The following SKAP2 variants were observed in gnomAD, a reference collection of about 807,000 sequenced individuals.
SKAP2 encodes src kinase associated phosphoprotein 2.
A neutral mutation model predicts 54.9 loss-of-function variants in SKAP2; 28 were observed. The observed-to-expected ratio is 0.51, with a 90% CI of 0.38 to 0.70. The LOEUF is 0.70. SKAP2 is among the 30% of genes least tolerant of loss of function. The probability of loss-of-function intolerance (pLI) is 0.00; values close to 1 mark genes in which losing one functional copy is unlikely to be tolerated. For synonymous variants in SKAP2, 137 were observed against 134.3 expected, an observed-to-expected ratio of 1.02 and a Z score of -0.14; for missense variants, 356 against 424.1, an observed-to-expected ratio of 0.84 and a Z score of 1.41.
At chr7:26,656,547 G>A in the SKAP2 span, among the ~76,000 whole-genome samples, 1 of 152,154 alleles carries the variant, frequency 6.6e-6, no homozygotes, top group Admixed American at 6.6e-5. Flanking sequence ...TTGAATCTCC[G>A]TTATACAGAT....
chr7:26,716,290 A>G, intron 9 of SKAP2, among the ~76,000 whole-genome samples: 1 of 152,140 alleles, frequency 6.6e-6, no homozygotes, highest in East Asian at 1.9e-4. Context: ...TTTTCGTGTT[A>G]TAGATATTAG....
chr7:26,683,993 T>C (rs987714659), intron 11 of SKAP2, among the ~76,000 whole-genome samples: 2 of 152,164 alleles, frequency 1.3e-5, no homozygotes, highest in African/African-American at 4.8e-5. Flanking sequence ...AATCCCCATA[T>C]TACGATAGGG....
In SKAP2 at chr7:26,740,041, G is replaced by C. The variant is rs547636789; in HGVS notation, c.308-77C>G. 1.8e-5 allele frequency: 15 copies of C among 829,926 alleles called. No individual in the cohort carries two copies. The Middle Eastern group carries it at 1.6e-3, about 91-fold the overall frequency. 51.4% of individuals were successfully genotyped at this position (829,926 alleles called of 1,614,324 possible). On this transcript the variant is annotated intron_variant, in intron 4 of 12. Transcript: ENST00000345317. ...AATAAACAAGTGCCAGATCTCATTA[G>C]ATTCAGTGTGCTTTTAATTACTGAA...
intron 4 of SKAP2, among the ~76,000 whole-genome samples, chr7:26,796,685 T>C (rs1323418411): frequency 6.6e-6 from 1 of 152,242 alleles, no homozygotes; most frequent in Admixed American, 6.5e-5. Flanking sequence ...ACTGTAAATG[T>C]ATTTTCTCAT....
chr7:26,750,907 T>C (rs992709863), intron 4 of SKAP2, among the ~76,000 whole-genome samples: 1 of 152,176 alleles, frequency 6.6e-6, no homozygotes, highest in Non-Finnish European at 1.5e-5. Flanking sequence ...CATAGGACAA[T>C]TCTTTCATTG....
intron 6 of SKAP2, among the ~76,000 whole-genome samples, chr7:26,728,531 T>C (rs535118154): frequency 2.0e-5 from 3 of 152,218 alleles, no homozygotes; most frequent in Admixed American, 6.5e-5. Flanking sequence ...AAATGATAAA[T>C]GGTTAAGCAT....
chr7:26,757,445 C>T (rs1157376411), intron 4 of SKAP2, among the ~76,000 whole-genome samples: 3 of 152,164 alleles, frequency 2.0e-5, no homozygotes, highest in Non-Finnish European at 4.4e-5. Context: ...TTCCCCATTT[C>T]TTGTTTTTGT....
intron 4 of SKAP2, among the ~76,000 whole-genome samples, chr7:26,842,408 C>T (rs1354525010): frequency 6.6e-6 from 1 of 151,392 alleles, no homozygotes; most frequent in Non-Finnish European, 1.5e-5. Context: ...TGTAAATGCA[C>T]TATAATTTAA....
intron 9 of SKAP2, 33 bp from the exon 10 acceptor site, chr7:26,690,395 G>T: frequency 3.5e-6 from 5 of 1,431,588 alleles, no homozygotes; most frequent in Non-Finnish European, 4.9e-6. Flanking sequence ...GCACATTGAA[G>T]GGTTTTCTCA....
At chr7:26,729,787 GGAA>G (rs1787784767) in intron 6 of SKAP2, among the ~76,000 whole-genome samples, 1 of 152,014 alleles carries the variant, frequency 6.6e-6, no homozygotes, top group Non-Finnish European at 1.5e-5. Flanking sequence ...TGGGTTTTCT[GGAA>G]GAAGAGTAAT....
intron 4 of SKAP2, among the ~76,000 whole-genome samples, chr7:26,746,401 T>A (rs1437274756): frequency 1.3e-5 from 2 of 152,110 alleles, no homozygotes; most frequent in African/African-American, 4.8e-5. Context: ...AGTATAAAAA[T>A]TCACTAGCAT....
chr7:26,857,318 A>AAAAAAAC (rs1785187022), intron 1 of SKAP2: 2 of 231,632 alleles, frequency 8.6e-6, no homozygotes, highest in African/African-American at 4.9e-5. Context: ...CTTAAAAAAA[A>AAAAAAAC]AAAAAAAAAA....
chr7:26,670,283 T>C (rs1765218584), intron 11 of SKAP2, 91 bp from the exon 12 acceptor site: 2 of 678,266 alleles, frequency 2.9e-6, no homozygotes, highest in South Asian at 3.4e-5. Context: ...TATTTCTATT[T>C]ATAAAGTTAA....
intron 4 of SKAP2, among the ~76,000 whole-genome samples, chr7:26,799,603 A>C (rs561336206): frequency 6.6e-6 from 1 of 152,302 alleles, no homozygotes; most frequent in East Asian, 1.9e-4. Flanking sequence ...GCCCTGATAC[A>C]ATAATAGCTG....
intron 4 of SKAP2, among the ~76,000 whole-genome samples, chr7:26,823,976 G>A (rs1017272873): frequency 2.6e-5 from 4 of 152,128 alleles, no homozygotes; most frequent in Non-Finnish European, 1.5e-5. Context: ...TAACATAATC[G>A]TAGTTGATAA....
chr7:26,831,286 A>C (rs1264451414), intron 4 of SKAP2, among the ~76,000 whole-genome samples: 2 of 152,196 alleles, frequency 1.3e-5, no homozygotes, highest in African/African-American at 4.8e-5. Context: ...CCAAGGCACA[A>C]AGAAGTACAA....
chr7:26,703,842 G>A (rs1183534989), intron 9 of SKAP2, among the ~76,000 whole-genome samples: 1 of 152,142 alleles, frequency 6.6e-6, no homozygotes, highest in Non-Finnish European at 1.5e-5. Flanking sequence ...AAACACTTAA[G>A]TAACTTGTTC....
chr7:26,763,291 T>A (rs538814701), intron 4 of SKAP2, among the ~76,000 whole-genome samples: 1 of 152,302 alleles, frequency 6.6e-6, no homozygotes, highest in Admixed American at 6.5e-5. Flanking sequence ...AGTAGCACCA[T>A]AAATTTCTTT....
chr7:26,698,685 T>C (rs1208983458), intron 9 of SKAP2, among the ~76,000 whole-genome samples: 2 of 152,244 alleles, frequency 1.3e-5, no homozygotes, highest in Non-Finnish European at 2.9e-5. Context: ...ATTAGCCATT[T>C]TTTTATTCAT....
Sources: gnomAD v4.1 joint callset for allele counts (sites outside exome capture counted in the v4.1 genomes callset) on GRCh38, gnomAD v4.1.1 for gene constraint, MANE v1.5 for transcripts, NCBI Gene and HGNC (gene_info 2026-07-23, HGNC 2026-07-21) for gene names.